The following TSNARE1 variants were observed in gnomAD, a reference collection of about 807,000 sequenced individuals.
TSNARE1 encodes the protein t-SNARE domain containing 1.
In TSNARE1, 49 loss-of-function variants were observed where a neutral mutation model predicts 62.0. The observed-to-expected ratio is 0.79, with a 90% CI of 0.63 to 1.00. TSNARE1 has a LOEUF of 1.00. Among genes scored for constraint, TSNARE1 ranks in the 50% least tolerant of loss-of-function variants. TSNARE1 has a pLI of 0.00. For synonymous variants in TSNARE1, 328 were observed against 294.4 expected (o/e 1.11, Z -1.17); for missense variants, 755 against 700.1 (o/e 1.08, Z -0.88).
Position 142,403,124 on chromosome 8 carries a change from G to A in TSNARE1, c.-60C>T, listed in dbSNP as rs1838427719. 6.7e-6 allele frequency: 1 copy of A among 148,922 alleles called. No individual in the cohort carries two copies. The highest frequency in any genetic ancestry group is 2.4e-5 in the African/African-American group (1 of 41,082). 9.2% of individuals were successfully genotyped at this position (148,922 alleles called of 1,614,324 possible). ...CTCACCTGGGCCTCGGTGGCTCGCG[G>A]ACCGCTCCGGGCGCTCACGGCGGGC... On this transcript the variant is annotated 5_prime_UTR_variant, in exon 1 of 14. Coordinates refer to ENST00000524325, the MANE Select transcript of TSNARE1 (RefSeq NM_145003.5).
At chr8:142,376,807 G>A (rs1037110262) in intron 1 of TSNARE1, among the ~76,000 whole-genome samples, 11 of 152,272 alleles carry the variant, frequency 7.2e-5, no homozygotes, top group South Asian at 4.1e-4. Context: ...CCAGGGAAGC[G>A]TGTGCCGAGC....
chr8:142,276,961 GCA>G, intron 11 of TSNARE1: 1 of 985,468 alleles, frequency 1.0e-6, no homozygotes, highest in Non-Finnish European at 1.2e-6. Flanking sequence ...CCGGCGCAGT[GCA>G]CAGAGATGCA....
chr8:142,331,253 C>T (rs1006121192), intron 5 of TSNARE1, among the ~76,000 whole-genome samples: 1 of 152,238 alleles, frequency 6.6e-6, no homozygotes, highest in Non-Finnish European at 1.5e-5. Flanking sequence ...CTTGCCCTGG[C>T]TCTGGGGACA....
chr8:142,238,029 C>T (rs73364607), intron 12 of TSNARE1, among the ~76,000 whole-genome samples: 3,382 of 152,174 alleles, frequency 0.022, 114 homozygotes, highest in African/African-American at 0.071. Context: ...AGGGAGGCAG[C>T]GGCTCCCTCA....
intron 13 of TSNARE1, among the ~76,000 whole-genome samples, chr8:142,227,196 C>T (rs1225591424): frequency 2.7e-5 from 4 of 150,440 alleles, no homozygotes; most frequent in African/African-American, 7.4e-5. Context: ...ACAGTGAGGA[C>T]CTCCACTGCA....
intron 9 of TSNARE1, among the ~76,000 whole-genome samples, chr8:142,307,645 A>C (rs1471374691): frequency 6.6e-6 from 1 of 152,242 alleles, no homozygotes; most frequent in Non-Finnish European, 1.5e-5. Flanking sequence ...CCATGTTCAG[A>C]ACAGCTGCCA....
chr8:142,219,410 CG>C (rs1816096935), intron 13 of TSNARE1, among the ~76,000 whole-genome samples: 1 of 152,188 alleles, frequency 6.6e-6, no homozygotes, highest in African/African-American at 2.4e-5. Flanking sequence ...CCCTGCAGGT[CG>C]GGTCCCGGTA....
intron 13 of TSNARE1, among the ~76,000 whole-genome samples, 157 bp from the exon 14 acceptor site, chr8:142,212,470 C>T (rs1815590295): frequency 6.6e-6 from 1 of 151,978 alleles, no homozygotes; most frequent in African/African-American, 2.4e-5. Context: ...CCACCTGCAG[C>T]TGCAGGGGCC....
chr8:142,231,102 C>T (rs1316908540), intron 12 of TSNARE1, among the ~76,000 whole-genome samples: 1 of 152,200 alleles, frequency 6.6e-6, no homozygotes, highest in Non-Finnish European at 1.5e-5. Context: ...CATCCTTCTA[C>T]CCAGCTGTCC....
intron 10 of TSNARE1, among the ~76,000 whole-genome samples, chr8:142,299,604 T>C (rs756064488): frequency 2.0e-5 from 3 of 151,180 alleles, no homozygotes; most frequent in Non-Finnish European, 4.4e-5. Context: ...CACTCACATA[T>C]GCATGCACTT....
intron 4 of TSNARE1, among the ~76,000 whole-genome samples, chr8:142,339,548 T>G (rs777258571): frequency 2.0e-5 from 3 of 152,178 alleles, no homozygotes; most frequent in Non-Finnish European, 2.9e-5. Flanking sequence ...GAAACCAGAC[T>G]CAAGCACTGG....
At chr8:142,335,356 G>A (rs1224275752) in intron 4 of TSNARE1, among the ~76,000 whole-genome samples, 1 of 152,176 alleles carries the variant, frequency 6.6e-6, no homozygotes, top group African/African-American at 2.4e-5. Flanking sequence ...TATAAATGAC[G>A]TGTGGTCCTG....
chr8:142,359,449 C>T (rs1286752446), intron 1 of TSNARE1, among the ~76,000 whole-genome samples: 1 of 152,146 alleles, frequency 6.6e-6, no homozygotes, highest in Non-Finnish European at 1.5e-5. Context: ...ATCAAGAACC[C>T]CCACAGGATT....
At chr8:142,348,467 C>T (rs1430280082) in intron 2 of TSNARE1, among the ~76,000 whole-genome samples, 13 of 151,654 alleles carry the variant, frequency 8.6e-5, no homozygotes, top group Non-Finnish European at 1.6e-4. Context: ...GGAACACTCC[C>T]GGCCGCCCCA....
rs1488234461 is a variant in TSNARE1 at position 142,274,761 on chromosome 8, T to A, written c.1446+20A>T. Reference sequence around the variant, plus strand: ...CGGAGGCCGGGCCGGCCGGGCACTGTGGCCCTCACACGGACTTACTTGGTG... The same window carrying A: ...CGGAGGCCGGGCCGGCCGGGCACTGAGGCCCTCACACGGACTTACTTGGTG... On this transcript the variant is annotated intron_variant, in intron 12 of 13. Coordinates refer to ENST00000524325, the MANE Select transcript of TSNARE1 (RefSeq NM_145003.5). The A allele has an allele frequency of 2.0e-6, 3 of 1,526,298 alleles. No individual in the cohort carries two copies. The highest frequency in any genetic ancestry group is 2.6e-6 in the Non-Finnish European group (3 of 1,135,768). The allele number at this position is 1,526,298 out of a possible 1,614,324, so 94.5% of individuals were successfully genotyped here.
intron 12 of TSNARE1, among the ~76,000 whole-genome samples, chr8:142,239,206 C>T (rs376814979): frequency 1.3e-5 from 2 of 152,212 alleles, no homozygotes; most frequent in South Asian, 2.1e-4. Context: ...ACTGAGCCTC[C>T]GCTGCCATCA....
chr8:142,284,537 C>T, intron 10 of TSNARE1, 52 bp from the exon 11 acceptor site: 8 of 1,439,362 alleles, frequency 5.6e-6, no homozygotes, highest in Non-Finnish European at 7.5e-6. Context: ...GGGCAGACAC[C>T]AAGGGCACCT....
chr8:142,357,565 A>T (rs1834845856), intron 1 of TSNARE1, among the ~76,000 whole-genome samples: 1 of 152,096 alleles, frequency 6.6e-6, no homozygotes, highest in Non-Finnish European at 1.5e-5. Context: ...AGGAGGGTGG[A>T]GCTAGGGATT....
intron 12 of TSNARE1, among the ~76,000 whole-genome samples, chr8:142,234,136 G>T (rs962398061): frequency 6.6e-6 from 1 of 152,222 alleles, no homozygotes; most frequent in Non-Finnish European, 1.5e-5. Context: ...TGCATTCAGG[G>T]AAGGTTCCAA....
Sources: gnomAD v4.1 joint callset for allele counts (sites outside exome capture counted in the v4.1 genomes callset) on GRCh38, gnomAD v4.1.1 for gene constraint, MANE v1.5 for transcripts, NCBI Gene and HGNC (gene_info 2026-07-23, HGNC 2026-07-21) for gene names.